The following FBXO28 variants were observed in gnomAD, a reference collection of about 807,000 sequenced individuals.
FBXO28 encodes F-box only protein 28.
FBXO28 carries 8 observed loss-of-function variants against 38.1 expected under a neutral mutation model. The ratio of observed to expected loss-of-function variants is 0.21; its 90% CI spans 0.12 to 0.38. FBXO28 has a LOEUF of 0.38. FBXO28 is among the 10% of genes least tolerant of loss of function. FBXO28 has a pLI of 1.00. For missense variants in FBXO28, 345 were observed against 460.6 expected (o/e 0.75, Z 2.30); for synonymous variants, 168 against 173.8 (o/e 0.97, Z 0.26).
At chr1:224,152,314 C>T (rs1657666612) in intron 3 of FBXO28, among the ~76,000 whole-genome samples, 1 of 152,128 alleles carries the variant, frequency 6.6e-6, no homozygotes, top group South Asian at 2.1e-4. Context: ...GGATAGAGCA[C>T]ATGGGGGCAG....
chr1:224,152,505 T>G (rs892424575), intron 3 of FBXO28, among the ~76,000 whole-genome samples: 2 of 152,234 alleles, frequency 1.3e-5, no homozygotes, highest in African/African-American at 2.4e-5. Flanking sequence ...TTTGTATCAC[T>G]TATGTACACA....
rs1171286814 is a variant in FBXO28 at position 224,160,716 on chromosome 1, T to A, written c.*2970T>A. On this transcript the variant is annotated 3_prime_UTR_variant, in exon 5 of 5. Coordinates refer to ENST00000366862, the MANE Select transcript of FBXO28 (RefSeq NM_015176.4). ...ACCATCAGGTCAAAAGCCACTGATT[T>A]GGGAAGCAATTTTTTTGCAAAACAC... 2.6e-5 allele frequency: 4 copies of A among 152,354 alleles called. No homozygotes were observed. Among genetic ancestry groups the A allele is most frequent in the South Asian group, 2.1e-4 (1 of 4,828 alleles). The allele number at this position is 152,354 out of a possible 1,614,324, so 9.4% of individuals were successfully genotyped here.
intron 1 of FBXO28, among the ~76,000 whole-genome samples, chr1:224,117,487 G>A (rs1359973313): frequency 6.6e-6 from 1 of 152,014 alleles, no homozygotes; most frequent in Non-Finnish European, 1.5e-5. Context: ...ATCAAAAGAT[G>A]TATCCTGAGT....
intron 1 of FBXO28, among the ~76,000 whole-genome samples, chr1:224,120,708 C>G (rs1656751459): frequency 6.6e-6 from 1 of 151,848 alleles, no homozygotes; most frequent in Non-Finnish European, 1.5e-5. Context: ...ACCGAAAATA[C>G]AAAAATTAGC....
At position 224,133,716 on chromosome 1, in the gene FBXO28, G is replaced by C. The variant is rs1657109861; in HGVS notation, c.378-358G>C. Among the ~76,000 whole-genome samples the C allele has an allele frequency of 1.3e-5, 2 of 151,942 alleles. 1 individual carries two copies. Among genetic ancestry groups the C allele is most frequent in the Non-Finnish European group, 2.9e-5 (2 of 67,930 alleles). ...AGTAGAGACGGGGTTTCACCATGTT[G>C]CCCAGCCTGGTCTCAAACTCCTGAC... On this transcript the variant is annotated intron_variant, in intron 2 of 4. Transcript: ENST00000366862.
At chr1:224,120,637 T>G (rs1442204533) in intron 1 of FBXO28, among the ~76,000 whole-genome samples, 1 of 151,994 alleles carries the variant, frequency 6.6e-6, no homozygotes, top group Non-Finnish European at 1.5e-5. Flanking sequence ...CTGAGGCAGG[T>G]GAATTACCTG....
chr1:224,118,226 C>T (rs1018121095), intron 1 of FBXO28, among the ~76,000 whole-genome samples: 1 of 151,852 alleles, frequency 6.6e-6, no homozygotes, highest in South Asian at 2.1e-4. Context: ...GCTGGGATTA[C>T]AGACGTGAGC....
intron 3 of FBXO28, among the ~76,000 whole-genome samples, chr1:224,137,437 C>T (rs1035439041): frequency 1.3e-5 from 2 of 151,374 alleles, no homozygotes; most frequent in Admixed American, 6.6e-5. Flanking sequence ...GCAGGAGAAT[C>T]GCTTGAACCT....
chr1:224,134,282 C>T (rs1472167), intron 3 of FBXO28, 70 bp downstream of exon 3: 1,484,453 of 1,485,858 alleles, frequency 1, 741,533 homozygotes, highest in East Asian at 1. Context: ...TTATGAATTT[C>T]TGATTTTAGA....
rs2102641789 is a variant in FBXO28 at position 224,161,997 on chromosome 1, C to G, written c.*4251C>G. 1 of 152,304 alleles carries G rather than the reference C, an allele frequency of 6.6e-6. No homozygotes were observed. The highest frequency in any genetic ancestry group is 2.1e-4 in the South Asian group (1 of 4,828). The allele number at this position is 152,304 out of a possible 1,614,324, so 9.4% of individuals were successfully genotyped here. On this transcript the variant is annotated 3_prime_UTR_variant, in exon 5 of 5. Coordinates refer to ENST00000366862, the MANE Select transcript of FBXO28 (RefSeq NM_015176.4). ...GAATCAATTATTGGAAAGTGAAAAA[C>G]ACCTCCCGGTCACACAACAGGGTAC... is the stretch of plus-strand genomic sequence containing the variant.
At chr1:224,142,816 C>T (rs1451517486) in intron 3 of FBXO28, among the ~76,000 whole-genome samples, 1 of 151,878 alleles carries the variant, frequency 6.6e-6, no homozygotes, top group African/African-American at 2.4e-5. Flanking sequence ...CATGGTGGTG[C>T]GTGCCTGTAA....
intron 3 of FBXO28, among the ~76,000 whole-genome samples, chr1:224,147,944 T>C (rs1250219954): frequency 6.6e-6 from 1 of 152,168 alleles, no homozygotes; most frequent in Non-Finnish European, 1.5e-5. Flanking sequence ...CTTAAAACTC[T>C]GAATGGTAGA....
intron 3 of FBXO28, among the ~76,000 whole-genome samples, chr1:224,138,570 A>G (rs1572016411): frequency 1.3e-5 from 2 of 151,776 alleles, no homozygotes; most frequent in South Asian, 2.1e-4. Flanking sequence ...CAAATCTTCT[A>G]TCTAACACAT....
chr1:224,145,559 A>T (rs1178128547), intron 3 of FBXO28, among the ~76,000 whole-genome samples: 1 of 152,192 alleles, frequency 6.6e-6, no homozygotes. Context: ...GATGACCCTC[A>T]TATATGGTTT....
chr1:224,139,417 C>T (rs1657284396), intron 3 of FBXO28, among the ~76,000 whole-genome samples: 2 of 151,738 alleles, frequency 1.3e-5, no homozygotes, highest in Admixed American at 6.6e-5. Flanking sequence ...CAGTTATTTA[C>T]CTTTCATCCT....
intron 1 of FBXO28, among the ~76,000 whole-genome samples, chr1:224,127,637 G>C (rs1039642135): frequency 6.6e-6 from 1 of 152,020 alleles, no homozygotes; most frequent in Admixed American, 6.6e-5. Flanking sequence ...GGCCAAGCAG[G>C]GTGGCTCACC....
chr1:224,126,424 G>A (rs139208328), intron 1 of FBXO28, among the ~76,000 whole-genome samples: 3 of 152,340 alleles, frequency 2.0e-5, no homozygotes, highest in East Asian at 1.9e-4. Flanking sequence ...CAACAAGGTT[G>A]TAGAGTCTAC....
At chr1:224,121,401 T>A (rs1213384985) in intron 1 of FBXO28, among the ~76,000 whole-genome samples, 2 of 152,222 alleles carry the variant, frequency 1.3e-5, no homozygotes, top group Non-Finnish European at 2.9e-5. Flanking sequence ...TAAAATTTGT[T>A]GTAATTCTAC....
chr1:224,135,539 G>T (rs1390108708), intron 3 of FBXO28, among the ~76,000 whole-genome samples: 2 of 149,884 alleles, frequency 1.3e-5, no homozygotes, highest in Non-Finnish European at 3.0e-5. Flanking sequence ...TTGAACCCGG[G>T]AGGCGGAGGT....
Sources: gnomAD v4.1 joint callset for allele counts (sites outside exome capture counted in the v4.1 genomes callset) on GRCh38, gnomAD v4.1.1 for gene constraint, MANE v1.5 for transcripts, NCBI Gene and HGNC (gene_info 2026-07-23, HGNC 2026-07-21) for gene names.